Variants in DNAJC1 observed in about 807,000 individuals in gnomAD.
The protein encoded by DNAJC1 is dnaJ homolog subfamily C member 1.
A neutral mutation model predicts 76.6 loss-of-function variants in DNAJC1; 58 were observed. That is an observed-to-expected ratio of 0.76 (90% CI 0.61 to 0.94). DNAJC1 has a LOEUF of 0.94. DNAJC1 is among the 40% of genes least tolerant of loss of function. DNAJC1 has a pLI of 0.00. For missense variants in DNAJC1, 689 were observed against 677.3 expected (o/e 1.02, Z -0.19); for synonymous variants, 258 against 267.9 (o/e 0.96, Z 0.36).
At chr10:21,856,642 A>G (rs775663942) in intron 8 of DNAJC1, among the ~76,000 whole-genome samples, 1 of 152,200 alleles carries the variant, frequency 6.6e-6, no homozygotes, top group African/African-American at 2.4e-5. Flanking sequence ...GGTATATTCT[A>G]GAATTTTGAT....
chr10:21,970,626 T>C (rs1432213562), intron 1 of DNAJC1, among the ~76,000 whole-genome samples: 1 of 152,012 alleles, frequency 6.6e-6, no homozygotes. Context: ...CAGGTCAGCA[T>C]CTCTATCTAA....
chr10:21,948,091 CT>C (rs781055896), intron 1 of DNAJC1, among the ~76,000 whole-genome samples: 189 of 134,794 alleles, frequency 1.4e-3, no homozygotes, highest in Middle Eastern at 4.0e-3. Flanking sequence ...TCCTTGCAGT[CT>C]TTTTTTTTTT....
chr10:21,776,279 T>C (rs963395614), intron 9 of DNAJC1, among the ~76,000 whole-genome samples: 3 of 152,198 alleles, frequency 2.0e-5, no homozygotes, highest in African/African-American at 4.8e-5. Context: ...ATTTTCCAAC[T>C]TTCTGAGCTA....
At chr10:21,813,447 G>A (rs1207335746) in intron 8 of DNAJC1, among the ~76,000 whole-genome samples, 1 of 149,742 alleles carries the variant, frequency 6.7e-6, no homozygotes, top group Non-Finnish European at 1.5e-5. Context: ...GGAGTGTGGA[G>A]TGCAGTAGCG....
intron 8 of DNAJC1, among the ~76,000 whole-genome samples, chr10:21,877,943 A>C (rs1053113879): frequency 1.2e-4 from 18 of 152,192 alleles, no homozygotes; most frequent in African/African-American, 4.1e-4. Flanking sequence ...CTTACAATAA[A>C]CTAGAGAAAA....
At chr10:22,002,436 C>T (rs1838534119) in intron 1 of DNAJC1, among the ~76,000 whole-genome samples, 1 of 152,040 alleles carries the variant, frequency 6.6e-6, no homozygotes, top group Non-Finnish European at 1.5e-5. Flanking sequence ...AAGTTAATGT[C>T]TTAAGCTATA....
chr10:21,838,287 C>T (rs1041391815), intron 8 of DNAJC1, among the ~76,000 whole-genome samples: 7 of 152,204 alleles, frequency 4.6e-5, no homozygotes, highest in African/African-American at 1.7e-4. Context: ...AAGAAAAATT[C>T]TTCTGCCTTG....
At chr10:21,792,996 A>C (rs1023265840) in intron 9 of DNAJC1, among the ~76,000 whole-genome samples, 1 of 152,028 alleles carries the variant, frequency 6.6e-6, no homozygotes, top group African/African-American at 2.4e-5. Flanking sequence ...AATAGAAGGG[A>C]AGTTCCTTAG....
At chr10:21,894,513 G>A (rs1836509019) in intron 7 of DNAJC1, among the ~76,000 whole-genome samples, 1 of 152,200 alleles carries the variant, frequency 6.6e-6, no homozygotes, top group Non-Finnish European at 1.5e-5. Flanking sequence ...GTAGATTGCA[G>A]TGAGCCAAGA....
chr10:21,787,452 A>G (rs1213869146), intron 9 of DNAJC1, among the ~76,000 whole-genome samples: 1 of 152,094 alleles, frequency 6.6e-6, no homozygotes, highest in East Asian at 1.9e-4. Context: ...TTATTTGGGG[A>G]GGTGATATCA....
At chr10:21,773,492 T>C (rs936472096) in intron 9 of DNAJC1, among the ~76,000 whole-genome samples, 1 of 152,198 alleles carries the variant, frequency 6.6e-6, no homozygotes, top group Non-Finnish European at 1.5e-5. Flanking sequence ...TTAAAGAACA[T>C]ACTGTGTATT....
chr10:21,829,094 G>C (rs369914626), intron 8 of DNAJC1, among the ~76,000 whole-genome samples: 1 of 152,034 alleles, frequency 6.6e-6, no homozygotes, highest in Non-Finnish European at 1.5e-5. Context: ...GCAGTGAGGT[G>C]ATCTTGGCTC....
intron 1 of DNAJC1, among the ~76,000 whole-genome samples, chr10:21,945,937 A>C (rs57391067): frequency 3.3e-5 from 5 of 151,562 alleles, no homozygotes; most frequent in Non-Finnish European, 5.9e-5. Context: ...TTCTTCATAA[A>C]TTCCAACTTT....
chr10:21,840,287 A>G (rs530056060), intron 8 of DNAJC1, among the ~76,000 whole-genome samples: 2 of 152,226 alleles, frequency 1.3e-5, no homozygotes. Flanking sequence ...AAGGGTATTC[A>G]GTTAGGAAAA....
At chr10:21,841,082 C>T (rs1314969924) in intron 8 of DNAJC1, among the ~76,000 whole-genome samples, 2 of 152,336 alleles carry the variant, frequency 1.3e-5, no homozygotes, top group African/African-American at 4.8e-5. Flanking sequence ...CCCTTCCTTA[C>T]ACCTTATACA....
intron 9 of DNAJC1, among the ~76,000 whole-genome samples, chr10:21,804,990 TCTAAA>T (rs1834867152): frequency 1.3e-5 from 2 of 152,148 alleles, no homozygotes; most frequent in African/African-American, 4.8e-5. Context: ...TACGTTTCTT[TCTAAA>T]CTAAAAAGTG....
At chr10:21,938,856 C>T (rs1250639829) in intron 1 of DNAJC1, among the ~76,000 whole-genome samples, 1 of 152,134 alleles carries the variant, frequency 6.6e-6, no homozygotes, top group Non-Finnish European at 1.5e-5. Context: ...AGGATCTGAC[C>T]AAAGGAAACT....
intron 1 of DNAJC1, among the ~76,000 whole-genome samples, chr10:21,969,107 C>G (rs1436745530): frequency 6.6e-6 from 1 of 151,524 alleles, no homozygotes; most frequent in Non-Finnish European, 1.5e-5. Flanking sequence ...GCCTGTAATC[C>G]CAGCTACTCA....
Position 21,904,570 on chromosome 10 carries a change from T to C in DNAJC1, c.772A>G (p.Lys258Glu). The C allele has an allele frequency of 6.2e-7, 1 of 1,607,960 alleles. No homozygotes were observed. Among genetic ancestry groups the C allele is most frequent in the Non-Finnish European group, 8.5e-7 (1 of 1,177,430 alleles). The change falls in exon 7 of 12, where the codon AAG becomes GAG. Residue 258 changes from lysine (K) to glutamate (E), a missense_variant. Physicochemically the swap from Lys to Glu is moderately conservative, Grantham distance 56. Coordinates refer to ENST00000376980, the MANE Select transcript of DNAJC1 (RefSeq NM_022365.4). ...CTAGTCAGTGCATCTTCCTTTTCCT[T>C]CAATCTTGTTTCTTTATATTTAGCA... Reference protein sequence around the residue: ...FYAKYKETRLKEKEDALTRTE... With the variant: ...FYAKYKETRLEEKEDALTRTE...
Sources: allele counts gnomAD v4.1 joint callset (sites outside exome capture counted in the v4.1 genomes callset), GRCh38; gene constraint gnomAD v4.1.1; transcripts MANE v1.5; gene names NCBI Gene and HGNC (gene_info 2026-07-23, HGNC 2026-07-21).